ESRRG: variants seen among roughly 807,000 people sequenced by gnomAD.
ESRRG encodes the protein estrogen related receptor gamma.
In ESRRG, 13 loss-of-function variants were observed where a neutral mutation model predicts 44.0. That is an observed-to-expected ratio of 0.30 (90% CI 0.19 to 0.47). The LOEUF (loss-of-function observed/expected upper bound fraction) is 0.47. Ranked by LOEUF, ESRRG falls within the 20% of genes least tolerant of loss-of-function variation. The pLI is 1.00. For synonymous variants in ESRRG, 215 were observed against 214.6 expected, an observed-to-expected ratio of 1.00 and a Z score of -0.02; for missense variants, 395 against 580.6, an observed-to-expected ratio of 0.68 and a Z score of 3.29.
At chr1:216,783,473 A>G (rs1356926059) in intron 2 of ESRRG, among the ~76,000 whole-genome samples, 1 of 152,126 alleles carries the variant, frequency 6.6e-6, no homozygotes, top group Non-Finnish European at 1.5e-5. Flanking sequence ...TAATTAAAAT[A>G]AAAAATAGCT....
At chr1:217,098,618 GAAGGAAAACAGGAAGAA>G (rs1397516890) in intron 1 of ESRRG, among the ~76,000 whole-genome samples, 1 of 152,130 alleles carries the variant, frequency 6.6e-6, no homozygotes, top group Non-Finnish European at 1.5e-5. Flanking sequence ...ATCAGATTAG[GAAGGAAAACAGGAAGAA>G]AAGGAGGGTG....
chr1:216,759,620 C>A (rs562557965), intron 2 of ESRRG, among the ~76,000 whole-genome samples: 8 of 152,204 alleles, frequency 5.3e-5, no homozygotes, highest in South Asian at 2.1e-4. Flanking sequence ...TATTGAGTAG[C>A]CACTCAGTCA....
At chr1:216,589,513 T>A (rs780038852) in intron 3 of ESRRG, among the ~76,000 whole-genome samples, 1 of 151,966 alleles carries the variant, frequency 6.6e-6, no homozygotes, top group Non-Finnish European at 1.5e-5. Flanking sequence ...AGGATTAATC[T>A]TGGAAACCAG....
chr1:216,777,974 T>C (rs994872986), intron 2 of ESRRG, among the ~76,000 whole-genome samples: 1 of 152,122 alleles, frequency 6.6e-6, no homozygotes, highest in Non-Finnish European at 1.5e-5. Context: ...ACCTGGTACC[T>C]ATCACTGCTA....
intron 2 of ESRRG, among the ~76,000 whole-genome samples, chr1:216,759,067 A>G (rs953574352): frequency 7.2e-5 from 11 of 152,122 alleles, no homozygotes; most frequent in African/African-American, 2.7e-4. Flanking sequence ...GTTCCTAGCC[A>G]TAAGGCCCTA....
chr1:216,808,722 C>T (rs893330584), intron 2 of ESRRG, among the ~76,000 whole-genome samples: 3 of 152,070 alleles, frequency 2.0e-5, no homozygotes, highest in Admixed American at 6.6e-5. Flanking sequence ...CCATGCCTGG[C>T]CTGAATATAA....
intron 2 of ESRRG, among the ~76,000 whole-genome samples, chr1:216,728,809 G>T (rs72737402): frequency 0.16 from 23,527 of 150,858 alleles, 1,906 homozygotes; most frequent in South Asian, 0.26. Context: ...AAAAAAAAAA[G>T]TAAGATATTA....
chr1:216,559,604 A>G (rs1373178766), intron 5 of ESRRG, among the ~76,000 whole-genome samples: 3 of 152,214 alleles, frequency 2.0e-5, no homozygotes, highest in African/African-American at 7.2e-5. Context: ...ACATATATAC[A>G]TAGAAACATA....
At chr1:216,564,590 C>CT (rs150591677) in intron 4 of ESRRG, among the ~76,000 whole-genome samples, 22,278 of 151,490 alleles carry the variant, frequency 0.15, 2,151 homozygotes, top group Non-Finnish European at 0.21. Flanking sequence ...AGAATGTAGT[C>CT]TTTTTTTTTC....
At chr1:216,795,273 A>G (rs1005042324) in intron 2 of ESRRG, among the ~76,000 whole-genome samples, 1 of 152,050 alleles carries the variant, frequency 6.6e-6, no homozygotes, top group African/African-American at 2.4e-5. Flanking sequence ...TTTCATTAAA[A>G]TAAACAAATA....
intron 1 of ESRRG, among the ~76,000 whole-genome samples, chr1:217,025,943 T>C (rs964980054): frequency 2.0e-5 from 3 of 152,174 alleles, no homozygotes; most frequent in Non-Finnish European, 4.4e-5. Context: ...TCTGGAATAA[T>C]ACATGGCCTG....
chr1:216,777,856 G>A (rs915687037), intron 2 of ESRRG, among the ~76,000 whole-genome samples: 11 of 152,020 alleles, frequency 7.2e-5, no homozygotes, highest in Admixed American at 6.6e-4. Flanking sequence ...ATCTTATCAT[G>A]GAATGATACA....
chr1:216,711,002 C>T (rs1026623537), intron 1 of ESRRG, among the ~76,000 whole-genome samples: 4 of 152,118 alleles, frequency 2.6e-5, no homozygotes, highest in Admixed American at 1.3e-4. Context: ...TGTAAGCTGT[C>T]GTGCATTTAC....
At chr1:216,535,213 T>C (rs956473856) in intron 5 of ESRRG, among the ~76,000 whole-genome samples, 2 of 152,148 alleles carry the variant, frequency 1.3e-5, no homozygotes, top group Non-Finnish European at 2.9e-5. Context: ...TCTCAGCTAC[T>C]AACTAGCTGT....
chr1:216,671,245 T>A (rs1218143309), intron 2 of ESRRG, among the ~76,000 whole-genome samples: 1 of 152,200 alleles, frequency 6.6e-6, no homozygotes, highest in African/African-American at 2.4e-5. Context: ...CCATTCTTAT[T>A]CACAGGGAAA....
chr1:216,840,414 G>A (rs978993723), intron 2 of ESRRG, among the ~76,000 whole-genome samples: 3 of 152,196 alleles, frequency 2.0e-5, no homozygotes, highest in African/African-American at 4.8e-5. Context: ...TGTTGTGGCT[G>A]GTTTGATCTT....
At chr1:216,955,606 T>A (rs2067805811) in intron 1 of ESRRG, among the ~76,000 whole-genome samples, 1 of 152,260 alleles carries the variant, frequency 6.6e-6, no homozygotes, top group Middle Eastern at 3.4e-3. Flanking sequence ...TAGGTTTTTT[T>A]AAAAAACCCT....
At chr1:216,739,809 A>C (rs2090438739) in intron 2 of ESRRG, among the ~76,000 whole-genome samples, 1 of 152,210 alleles carries the variant, frequency 6.6e-6, no homozygotes, top group Non-Finnish European at 1.5e-5. Context: ...TGATGCGCAA[A>C]TGTTTCAAAA....
intron 1 of ESRRG, among the ~76,000 whole-genome samples, chr1:217,104,167 A>G (rs1275424552): frequency 6.6e-6 from 1 of 152,198 alleles, no homozygotes; most frequent in Non-Finnish European, 1.5e-5. Context: ...CTTTTACTAA[A>G]GAAGAAAATG....
Sources: allele counts gnomAD v4.1 joint callset (sites outside exome capture counted in the v4.1 genomes callset), GRCh38; gene constraint gnomAD v4.1.1; transcripts MANE v1.5; gene names NCBI Gene and HGNC (gene_info 2026-07-23, HGNC 2026-07-21).